Variants in IL4R observed in about 807,000 individuals in gnomAD.
IL4R encodes the protein interleukin 4 receptor, also known as interleukin-4 receptor subunit alpha.
In IL4R, 17 loss-of-function variants were observed where a neutral mutation model predicts 41.5. The ratio of observed to expected loss-of-function variants is 0.41; its 90% CI spans 0.28 to 0.61. IL4R has a LOEUF of 0.61. IL4R is among the 20% of genes least tolerant of loss of function. IL4R has a pLI of 0.31. For missense variants in IL4R, 974 were observed against 1,043.1 expected, an observed-to-expected ratio of 0.93 and a Z score of 0.91; for synonymous variants, 402 against 422.9, an observed-to-expected ratio of 0.95 and a Z score of 0.61.
At chr16:27,344,210 C>T (rs1019550237) in intron 4 of IL4R, among the ~76,000 whole-genome samples, 8 of 151,602 alleles carry the variant, frequency 5.3e-5, no homozygotes, top group Non-Finnish European at 1.0e-4. Context: ...GAGGCTGAGG[C>T]GGGAGAATTG....
At chr16:27,320,277 G>T (rs2084777280) in intron 1 of IL4R, among the ~76,000 whole-genome samples, 1 of 152,178 alleles carries the variant, frequency 6.6e-6, no homozygotes, top group Non-Finnish European at 1.5e-5. Context: ...GGCTCCCACT[G>T]ATTCTGCATT....
In IL4R at chr16:27,364,006, G is replaced by C; in HGVS notation, c.*176G>C. ...GCCTAACACTGGGCTGCAGAGACTG[G>C]ACCCCGCCCAGCATTGGGCTGGGCT... On this transcript the variant is annotated 3_prime_UTR_variant, in exon 11 of 11. Transcript: ENST00000395762. The C allele has an allele frequency of 1.4e-6, 1 of 710,362 alleles. No individual in the cohort carries two copies. The highest frequency in any genetic ancestry group is 1.8e-5 in the African/African-American group (1 of 55,928). The allele number at this position is 710,362 out of a possible 1,614,324, so 44.0% of individuals were successfully genotyped here.
intron 1 of IL4R, 60 bp downstream of exon 1, chr16:27,314,080 TGAGGG>T: frequency 1.0e-6 from 1 of 984,348 alleles, no homozygotes; most frequent in Non-Finnish European, 1.2e-6. Flanking sequence ...GCACGCCGGC[TGAGGG>T]CGTTCGGGAA....
At chr16:27,344,596 A>G (rs931515332) in intron 4 of IL4R, among the ~76,000 whole-genome samples, 7 of 152,304 alleles carry the variant, frequency 4.6e-5, no homozygotes, top group Middle Eastern at 3.4e-3. Context: ...GCTTTCAGGA[A>G]CAAGCTAAGT....
intron 1 of IL4R, among the ~76,000 whole-genome samples, chr16:27,322,752 AC>A (rs1355744331): frequency 1.1e-4 from 16 of 152,106 alleles, no homozygotes; most frequent in African/African-American, 3.9e-4. Flanking sequence ...CTCTTCTAAT[AC>A]TTACTCAAGA....
At chr16:27,349,258 G>A (rs531825502) in intron 6 of IL4R, among the ~76,000 whole-genome samples, 7 of 152,312 alleles carry the variant, frequency 4.6e-5, no homozygotes, top group South Asian at 4.1e-4. Context: ...ACCTAAACCC[G>A]ATGGCATAAA....
At position 27,363,810 on chromosome 16, in the gene IL4R, A is replaced by G. The variant is rs2086402712; in HGVS notation, c.2458A>G (p.Thr820Ala). The G allele has an allele frequency of 1.2e-6, 2 of 1,604,564 alleles. No individual in the cohort carries two copies. The highest frequency in any genetic ancestry group is 1.7e-6 in the Non-Finnish European group (2 of 1,179,806). The change falls in exon 11 of 11, where the codon ACA becomes GCA. Residue 820 changes from threonine to alanine, a missense_variant. This residue lies in a region of IL4R where 682 missense variants were observed against 704.3 expected (regional missense o/e 0.97). Transcript: ENST00000395762. ...CGTGAACTTTGTCTCCGTGGGACCC[A>G]CATACATGAGGGTCTCTTAGGTGCA... is the stretch of plus-strand genomic sequence containing the variant. ...KIVNFVSVGP[T>A]YMRVS
intron 2 of IL4R, among the ~76,000 whole-genome samples, chr16:27,331,097 C>A (rs1400100533): frequency 6.6e-6 from 1 of 152,126 alleles, no homozygotes. Context: ...CAAAGACCCT[C>A]AAAAGCTGCC....
At chr16:27,354,435 GA>G (rs1253475494) in intron 7 of IL4R, among the ~76,000 whole-genome samples, 1 of 152,178 alleles carries the variant, frequency 6.6e-6, no homozygotes, top group African/African-American at 2.4e-5. Flanking sequence ...TTTTAATCAG[GA>G]AGCAAACATC....
intron 10 of IL4R, 194 bp downstream of exon 10, chr16:27,361,009 C>T (rs1184401415): frequency 1.5e-5 from 22 of 1,467,380 alleles, no homozygotes; most frequent in Middle Eastern, 2.4e-4. Flanking sequence ...CTGAGTTTCA[C>T]TGGTGTGTCA....
chr16:27,320,716 T>A (rs2084789377), intron 1 of IL4R, among the ~76,000 whole-genome samples: 1 of 152,182 alleles, frequency 6.6e-6, no homozygotes, highest in African/African-American at 2.4e-5. Context: ...AAGGCCTATG[T>A]TTTCCTGAAG....
chr16:27,335,523 C>T (rs1035866519), intron 2 of IL4R, among the ~76,000 whole-genome samples: 6 of 152,088 alleles, frequency 3.9e-5, no homozygotes. Context: ...ACACACCACA[C>T]TGCACCCGGC....
At chr16:27,325,726 C>CA (rs2084938256) in intron 1 of IL4R, among the ~76,000 whole-genome samples, 1 of 152,114 alleles carries the variant, frequency 6.6e-6, no homozygotes, top group Non-Finnish European at 1.5e-5. Flanking sequence ...CACATGCTCA[C>CA]TTATTGAGTG....
chr16:27,331,928 G>T (rs2085121059), intron 2 of IL4R, among the ~76,000 whole-genome samples: 1 of 151,710 alleles, frequency 6.6e-6, no homozygotes, highest in South Asian at 2.1e-4. Flanking sequence ...TCTTCTTGGA[G>T]AATTAACTCC....
Position 27,363,423 on chromosome 16 carries a change from A to G in IL4R, c.2071A>G (p.Lys691Glu). ...EPGEKVEDMP[K>E]PPLPQEQATD... ...GGGGGAAAAGGTAGAGGACATGCCA[A>G]AGCCCCCACTTCCCCAGGAGCAGGC... The change falls in exon 11 of 11, where the codon AAG becomes GAG. Residue 691 changes from lysine to glutamate, a missense_variant. Physicochemically the swap from Lys to Glu is moderately conservative, Grantham distance 56. Transcript: ENST00000395762. 6.2e-7 allele frequency: 1 copy of G among 1,614,108 alleles called. No individual in the cohort carries two copies. The highest frequency in any genetic ancestry group is 8.5e-7 in the Non-Finnish European group (1 of 1,180,002).
At chr16:27,359,802 A>G (rs1394709888) in intron 9 of IL4R, 1 of 456,936 alleles carries the variant, frequency 2.2e-6, no homozygotes, top group South Asian at 1.5e-5. Context: ...ACCAAGTGCC[A>G]TTTATGTATC....
At position 27,363,094 on chromosome 16, in the gene IL4R, C is replaced by G. The variant is rs765803011; in HGVS notation, c.1742C>G (p.Ala581Gly). 2 of 1,614,072 alleles carry G rather than the reference C, an allele frequency of 1.2e-6. No individual in the cohort carries two copies. Among genetic ancestry groups the G allele is most frequent in the Admixed American group, 1.7e-5 (1 of 60,018 alleles). Residue 581 changes from alanine to glycine, a missense_variant, in exon 11 of 11, where the codon GCG (alanine) becomes GGG (glycine). Physicochemically the swap from Ala to Gly is moderately conservative, Grantham distance 60. Transcript: ENST00000395762. ...PTSGYQEFVH[A>G]VEQGGTQASA... ...AGTGGCTATCAGGAGTTTGTACATG[C>G]GGTGGAGCAGGGTGGCACCCAGGCC...
chr16:27,346,309 T>C (rs947906166), intron 5 of IL4R, among the ~76,000 whole-genome samples, 158 bp from the exon 6 acceptor site: 1 of 152,252 alleles, frequency 6.6e-6, no homozygotes, highest in African/African-American at 2.4e-5. Flanking sequence ...TAATCTTCTT[T>C]GCTATGGCTC....
intron 4 of IL4R, among the ~76,000 whole-genome samples, chr16:27,342,688 C>T (rs1436876841): frequency 6.6e-6 from 1 of 152,092 alleles, no homozygotes; most frequent in Non-Finnish European, 1.5e-5. Flanking sequence ...AAATGGAGGT[C>T]TCACTGTGTT....
Sources: gnomAD v4.1 joint callset for allele counts (sites outside exome capture counted in the v4.1 genomes callset) on GRCh38, gnomAD v4.1.1 for gene constraint, gnomAD v4.1.1 regional missense constraint, MANE v1.5 for transcripts, NCBI Gene and HGNC (gene_info 2026-07-23, HGNC 2026-07-21) for gene names.